DMXL2: variants seen among roughly 807,000 people sequenced by gnomAD.
DMXL2 encodes the protein Dmx like 2.
A neutral mutation model predicts 331.1 loss-of-function variants in DMXL2; 103 were observed. The observed-to-expected ratio is 0.31, with a 90% confidence interval of 0.27 to 0.37. DMXL2 has a LOEUF of 0.37. DMXL2 is among the 10% of genes least tolerant of loss of function. The probability of loss-of-function intolerance (pLI) is 1.00; values close to 1 mark genes in which losing one functional copy is unlikely to be tolerated. For synonymous variants in DMXL2, 1,281 were observed against 1,252.1 expected, an observed-to-expected ratio of 1.02 and a Z score of -0.49; for missense variants, 3,171 against 3,642.9, an observed-to-expected ratio of 0.87 and a Z score of 3.33.
chr15:51,512,986 A>G (rs1210864151), intron 15 of DMXL2, among the ~76,000 whole-genome samples: 1 of 152,136 alleles, frequency 6.6e-6, no homozygotes, highest in East Asian at 1.9e-4. Context: ...AATTAACTTT[A>G]AATTAAAACT....
intron 13 of DMXL2, among the ~76,000 whole-genome samples, chr15:51,533,237 G>T (rs2048104728): frequency 6.6e-6 from 1 of 152,200 alleles, no homozygotes; most frequent in Middle Eastern, 3.4e-3. Flanking sequence ...TGCCCAGGCT[G>T]GTCTTGAACT....
intron 40 of DMXL2, among the ~76,000 whole-genome samples, chr15:51,454,669 G>C (rs2039460719): frequency 6.6e-6 from 1 of 152,064 alleles, no homozygotes; most frequent in African/African-American, 2.4e-5. Context: ...GCTAATTTTT[G>C]TATTTTTAGT....
At chr15:51,608,990 T>C (rs1052696407) in intron 1 of DMXL2, among the ~76,000 whole-genome samples, 1 of 152,108 alleles carries the variant, frequency 6.6e-6, no homozygotes, top group Non-Finnish European at 1.5e-5. Flanking sequence ...AGGCTTACCA[T>C]AGAAGGATAT....
intron 19 of DMXL2, among the ~76,000 whole-genome samples, chr15:51,492,103 A>C (rs1163501863): frequency 1.3e-5 from 2 of 152,262 alleles, no homozygotes; most frequent in African/African-American, 4.8e-5. Context: ...GCCCAAGCTC[A>C]CATAACTAGG....
intron 26 of DMXL2, among the ~76,000 whole-genome samples, chr15:51,477,963 GA>G (rs1301325635): frequency 1.3e-5 from 2 of 151,836 alleles, no homozygotes; most frequent in African/African-American, 4.8e-5. Flanking sequence ...TGTTTCTAAG[GA>G]AAAACAATTA....
intron 40 of DMXL2, 143 bp from the exon 41 acceptor site, chr15:51,453,784 GT>G: frequency 1.6e-6 from 1 of 640,454 alleles, no homozygotes; most frequent in South Asian, 2.0e-5. Flanking sequence ...AAAAGAATAA[GT>G]GATAGTATGA....
At chr15:51,512,816 GA>G (rs201329133) in intron 15 of DMXL2, among the ~76,000 whole-genome samples, 15,945 of 129,338 alleles carry the variant, frequency 0.12, 2,590 homozygotes, top group African/African-American at 0.38. Context: ...CTCTGTCTCG[GA>G]AAAAAAAAAA....
intron 29 of DMXL2, 56 bp from the exon 30 acceptor site, chr15:51,466,367 AAT>A: frequency 1.5e-6 from 1 of 666,354 alleles, no homozygotes; most frequent in Non-Finnish European, 2.1e-6. Flanking sequence ...AAACATATAA[AAT>A]ATATTTTATA....
rs1567033689 is a variant in DMXL2 at position 51,499,749 on chromosome 15, T to C, written c.3475A>G (p.Arg1159Gly). 2 of 1,614,144 alleles carry C rather than the reference T, an allele frequency of 1.2e-6. No individual in the cohort carries two copies. The highest frequency in any genetic ancestry group is 1.7e-6 in the Non-Finnish European group (2 of 1,180,018). ...TGTTTGATATTCGGAATAAGATATC[T>C]ATCCTTGCTCAAGAGTGCATCTGAC... ...SKSDALLSKD[R>G]YLIPNIKHLV... The change falls in exon 18 of 44, where the codon AGA (arginine) becomes GGA (glycine). Residue 1159 changes from arginine (R) to glycine (G), a missense_variant. Arg to Gly is a moderately radical substitution (Grantham distance 125). Around this residue, in one of 7 missense-constraint regions of DMXL2, gnomAD observed 1,674 missense variants for 1,780.2 expected, o/e 0.94. Transcript: ENST00000560891.
Position 51,527,471 on chromosome 15 carries a change from G to A in DMXL2, c.2436+8192C>T, listed in dbSNP as rs1034023724. Among the ~76,000 whole-genome samples the A allele has an allele frequency of 2.0e-5, 3 of 152,296 alleles. 1 individual carries two copies. Among genetic ancestry groups the A allele is most frequent in the South Asian group, 4.1e-4 (2 of 4,832 alleles). On this transcript the variant is annotated intron_variant, in intron 13 of 43. Coordinates refer to ENST00000560891, the MANE Select transcript of DMXL2 (RefSeq NM_001378457.1). ...GGGCCAGGCGTGGTGGCTCATGCCT[G>A]TAATCCTAGCACTTTGGGAGGCCGA...
At position 51,526,757 on chromosome 15, in the gene DMXL2, C is replaced by T. The variant is rs780393840; in HGVS notation, c.2436+8906G>A. Among the ~76,000 whole-genome samples, 36 of 152,070 alleles carry T rather than the reference C, an allele frequency of 2.4e-4. 1 individual carries two copies. Among genetic ancestry groups the T allele is most frequent in the Non-Finnish European group, 2.9e-4 (20 of 68,012 alleles). ...TTCTGGAGCTAAACAATGCAACTAG[C>T]ATACTGAAAAATGCATCAGAGTCTT... On this transcript the variant is annotated intron_variant, in intron 13 of 43. Transcript: ENST00000560891.
intron 16 of DMXL2, among the ~76,000 whole-genome samples, chr15:51,505,899 T>C (rs574616586): frequency 2.0e-5 from 3 of 152,280 alleles, no homozygotes; most frequent in African/African-American, 7.2e-5. Flanking sequence ...TGGCTATCCA[T>C]GCAGTTCTTC....
At chr15:51,590,957 C>T (rs1462348938) in intron 1 of DMXL2, among the ~76,000 whole-genome samples, 1 of 151,970 alleles carries the variant, frequency 6.6e-6, no homozygotes, top group African/African-American at 2.4e-5. Flanking sequence ...GGGGGTGGAG[C>T]CAAGATGGCC....
At position 51,499,960 on chromosome 15, in the gene DMXL2, C is replaced by G. The variant is rs188824243; in HGVS notation, c.3264G>C (p.Gln1088His). 9 of 1,613,958 alleles carry G rather than the reference C, an allele frequency of 5.6e-6. No homozygotes were observed. The East Asian group carries it at 1.1e-4, about 20-fold the overall frequency. The change falls in exon 18 of 44, where the codon CAG (glutamine) becomes CAC (histidine). Residue 1088 changes from glutamine to histidine, a missense_variant. By Grantham distance (24) the Gln-to-His change is conservative. Around this residue, in one of 7 missense-constraint regions of DMXL2, gnomAD observed 1,674 missense variants for 1,780.2 expected, o/e 0.94. Coordinates refer to ENST00000560891, the MANE Select transcript of DMXL2 (RefSeq NM_001378457.1). ...AAACAAAACCATTATGGTGGATAGG[C>G]TGCTTATAAGCCACTGCAAGGCGAC... ...YTGRLAVAYK[Q>H]PIHHNGFVSK...
In DMXL2 at chr15:51,503,607, G is replaced by C. The variant is rs923047925; in HGVS notation, c.2765-574C>G. On this transcript the variant is annotated intron_variant, in intron 16 of 43. Transcript: ENST00000560891. Reference sequence around the variant, plus strand: ...GGGTGGGTGAAGAGACTCTTTAATAGGTACAAACATGAAGGTAGAAGAAAT... The same window carrying C: ...GGGTGGGTGAAGAGACTCTTTAATACGTACAAACATGAAGGTAGAAGAAAT... 2.0e-5 allele frequency among the ~76,000 whole-genome samples: 3 copies of C among 152,038 alleles called. No individual in the cohort carries two copies. The East Asian group carries it at 5.8e-4, about 29-fold the overall frequency.
At chr15:51,471,585 T>C (rs954615734) in intron 28 of DMXL2, among the ~76,000 whole-genome samples, 184 bp from the exon 29 acceptor site, 3 of 152,176 alleles carry the variant, frequency 2.0e-5, no homozygotes, top group African/African-American at 4.8e-5. Context: ...GAGATACAGA[T>C]GGAGATAAAG....
rs537456327 is a variant in DMXL2 at position 51,477,292 on chromosome 15, C to T, written c.6834-573G>A. Among the ~76,000 whole-genome samples, 44 of 152,036 alleles carry T rather than the reference C, an allele frequency of 2.9e-4. 1 individual carries two copies. The highest frequency in any genetic ancestry group is 2.1e-3 in the South Asian group (10 of 4,816). On this transcript the variant is annotated intron_variant, in intron 26 of 43. Coordinates refer to ENST00000560891, the MANE Select transcript of DMXL2 (RefSeq NM_001378457.1). The stretch of plus-strand genomic sequence containing the variant: ...TGGGGAAAATATAAAAGCGGAAAGT[C>T]AAGCTGAGTCTAGTAAATCATAGCC...
intron 6 of DMXL2, among the ~76,000 whole-genome samples, chr15:51,553,488 A>G (rs1047519314): frequency 6.6e-6 from 1 of 152,198 alleles, no homozygotes; most frequent in Non-Finnish European, 1.5e-5. Context: ...AAAAAAAATC[A>G]AACAATATAT....
chr15:51,483,129 T>C lies in DMXL2; in HGVS notation c.5483-1506A>G, dbSNP rs965696315. 2.6e-5 allele frequency among the ~76,000 whole-genome samples: 4 copies of C among 152,226 alleles called. No homozygotes were observed. In the Middle Eastern group the frequency reaches 0.014, roughly 518 times the overall value. ...ATCTACAGTCCTTACAACAGAAGAATCCCATAGTACTTGCAAGCCCTGTGT... is the reference window on the plus strand; with the variant it reads ...ATCTACAGTCCTTACAACAGAAGAACCCCATAGTACTTGCAAGCCCTGTGT... On this transcript the variant is annotated intron_variant, in intron 23 of 43. Transcript: ENST00000560891.
Sources: gnomAD v4.1 joint callset for allele counts (sites outside exome capture counted in the v4.1 genomes callset) on GRCh38, gnomAD v4.1.1 for gene constraint, gnomAD v4.1.1 regional missense constraint, MANE v1.5 for transcripts, NCBI Gene and HGNC (gene_info 2026-07-23, HGNC 2026-07-21) for gene names.